LMX1A: variants seen among roughly 807,000 people sequenced by gnomAD.
LMX1A encodes LIM homeobox transcription factor 1 alpha.
LMX1A carries 15 observed loss-of-function variants against 49.1 expected under a neutral mutation model. The ratio of observed to expected loss-of-function variants is 0.31; its 90% CI spans 0.20 to 0.47. LMX1A has a LOEUF of 0.47. Among genes scored for constraint, LMX1A ranks in the 20% least tolerant of loss-of-function variants. LMX1A has a pLI of 1.00. For synonymous variants in LMX1A, 167 were observed against 185.7 expected (o/e 0.90, Z 0.82); for missense variants, 372 against 475.8 (o/e 0.78, Z 2.03).
At chr1:165,263,384 T>A (rs1331259071) in intron 3 of LMX1A, among the ~76,000 whole-genome samples, 1 of 152,182 alleles carries the variant, frequency 6.6e-6, no homozygotes, top group African/African-American at 2.4e-5. Context: ...CCATTTCCAT[T>A]GATGGATGGC....
At chr1:165,304,945 G>T (rs557776552) in intron 3 of LMX1A, among the ~76,000 whole-genome samples, 1 of 152,188 alleles carries the variant, frequency 6.6e-6, no homozygotes, top group South Asian at 2.1e-4. Context: ...CAGCAGGCTG[G>T]GTGCATCTAC....
At chr1:165,344,218 G>A (rs764468582) in intron 3 of LMX1A, among the ~76,000 whole-genome samples, 3 of 152,232 alleles carry the variant, frequency 2.0e-5, no homozygotes, top group Non-Finnish European at 2.9e-5. Flanking sequence ...CTCCTGGGAT[G>A]TTCTTCCCTT....
chr1:165,236,991 G>T (rs1413342157), intron 4 of LMX1A, among the ~76,000 whole-genome samples: 2 of 152,044 alleles, frequency 1.3e-5, no homozygotes, highest in Admixed American at 6.5e-5. Context: ...GGCTGTGTGA[G>T]AGCAGAGGTA....
intron 3 of LMX1A, among the ~76,000 whole-genome samples, chr1:165,257,960 G>C (rs1653305574): frequency 6.6e-6 from 1 of 152,228 alleles, no homozygotes; most frequent in African/African-American, 2.4e-5. Context: ...GCTTTGGACA[G>C]TAGTCTACTA....
At chr1:165,219,829 G>A (rs1189236088) in intron 4 of LMX1A, among the ~76,000 whole-genome samples, 2 of 152,228 alleles carry the variant, frequency 1.3e-5, no homozygotes, top group Admixed American at 6.5e-5. Flanking sequence ...CAGGGATGAT[G>A]AAGATTCAGC....
At chr1:165,336,521 T>C (rs1162324257) in intron 3 of LMX1A, among the ~76,000 whole-genome samples, 1 of 152,176 alleles carries the variant, frequency 6.6e-6, no homozygotes, top group Non-Finnish European at 1.5e-5. Context: ...AATAAAGTAA[T>C]GGTGCTAAGA....
intron 3 of LMX1A, among the ~76,000 whole-genome samples, chr1:165,338,179 T>G (rs1395546): frequency 0.026 from 3,977 of 152,226 alleles, 173 homozygotes; most frequent in African/African-American, 0.091. Flanking sequence ...CTGGTAAAAG[T>G]CAGGAATATG....
intron 3 of LMX1A, among the ~76,000 whole-genome samples, chr1:165,320,475 A>T (rs913177038): frequency 6.6e-6 from 1 of 152,228 alleles, no homozygotes; most frequent in Non-Finnish European, 1.5e-5. Context: ...GCAAGGCAGA[A>T]GGAAGAATGA....
intron 3 of LMX1A, among the ~76,000 whole-genome samples, chr1:165,323,967 T>C (rs1424087029): frequency 6.6e-6 from 1 of 152,230 alleles, no homozygotes; most frequent in African/African-American, 2.4e-5. Context: ...TAAATGCTTG[T>C]AGTTAACCTA....
At chr1:165,295,056 T>C (rs1031712622) in intron 3 of LMX1A, among the ~76,000 whole-genome samples, 2 of 152,206 alleles carry the variant, frequency 1.3e-5, no homozygotes, top group South Asian at 4.1e-4. Context: ...AAATTTCAGC[T>C]ATAAATACCT....
chr1:165,237,896 G>A (rs552318479), intron 4 of LMX1A, among the ~76,000 whole-genome samples: 11 of 152,190 alleles, frequency 7.2e-5, no homozygotes, highest in Non-Finnish European at 1.5e-4. Context: ...TGGCTGGAAT[G>A]TCAGTGCAAG....
Position 165,249,514 on chromosome 1 carries a change from C to G in LMX1A, c.390G>C (p.Gln130His), listed in dbSNP as rs756806723. The G allele has an allele frequency of 3.7e-6, 6 of 1,614,236 alleles. No individual in the cohort carries two copies. The Admixed American group carries it at 1.0e-4, about 27-fold the overall frequency. The change falls in exon 4 of 9, where the codon CAG becomes CAC. Residue 130 changes from glutamine (Q) to histidine (H), a missense_variant. This residue lies in a region of LMX1A where 199 missense variants were observed against 244.0 expected (regional missense o/e 0.82). Coordinates refer to ENST00000342310, the MANE Select transcript of LMX1A (RefSeq NM_177398.4). ...CCTTCAGGACAAACTCATCACCCTT[C>G]TGAAGCTGTCGCTCGCAGACACAGC... ...FCCCVCERQL[Q>H]KGDEFVLKEG...
intron 3 of LMX1A, among the ~76,000 whole-genome samples, chr1:165,273,942 C>T (rs564856621): frequency 1.3e-5 from 2 of 152,364 alleles, no homozygotes; most frequent in South Asian, 4.1e-4. Flanking sequence ...TCATCGTGCT[C>T]ACCAACCCTT....
chr1:165,246,199 G>C (rs1479736250), intron 4 of LMX1A, among the ~76,000 whole-genome samples: 1 of 152,092 alleles, frequency 6.6e-6, no homozygotes, highest in Non-Finnish European at 1.5e-5. Flanking sequence ...ATCATGCTAA[G>C]CTTTGTTAAG....
chr1:165,204,030 G>A lies in LMX1A; in HGVS notation c.999C>T (p.Pro333=), dbSNP rs756226362. ...CGTCGCTATCCAGGTCATGGAAAAG[G>A]GGCTCGGCACCTGAAATGGAGATGA... ...GDHMHPYGAE[P]LFHDLDSDDT... Residue 333 remains proline (P), a synonymous_variant, in exon 9 of 9, where the codon CCC becomes CCT. Transcript: ENST00000342310. The A allele has an allele frequency of 4.3e-6, 7 of 1,614,066 alleles. No homozygotes were observed. In the Admixed American group the frequency reaches 5.0e-5, roughly 12 times the overall value.
At chr1:165,300,348 T>C (rs1169331978) in intron 3 of LMX1A, among the ~76,000 whole-genome samples, 1 of 152,188 alleles carries the variant, frequency 6.6e-6, no homozygotes, top group Non-Finnish European at 1.5e-5. Flanking sequence ...TCACTTGGAT[T>C]GGGGCAGCTT....
Position 165,205,860 on chromosome 1 carries a change from T to C in LMX1A, c.988+4A>G. 2 of 1,613,652 alleles carry C rather than the reference T, an allele frequency of 1.2e-6. No homozygotes were observed. Among genetic ancestry groups the C allele is most frequent in the Non-Finnish European group, 1.7e-6 (2 of 1,179,840 alleles). ...AGGGCCCGAGGGGCTTAAGTCCCTC[T>C]TACCATAAGGGTGCATGTGGTCTCC... On this transcript the variant is annotated splice_donor_region_variant and intron_variant, in intron 8 of 8. Coordinates refer to ENST00000342310, the MANE Select transcript of LMX1A (RefSeq NM_177398.4).
At chr1:165,209,525 C>T (rs1420323635) in intron 6 of LMX1A, among the ~76,000 whole-genome samples, 1 of 152,120 alleles carries the variant, frequency 6.6e-6, no homozygotes, top group Non-Finnish European at 1.5e-5. Flanking sequence ...CATCAATGCC[C>T]AGTGATTTAA....
intron 3 of LMX1A, among the ~76,000 whole-genome samples, chr1:165,329,167 G>T (rs967807456): frequency 1.1e-4 from 16 of 152,316 alleles, no homozygotes; most frequent in African/African-American, 3.9e-4. Context: ...GAGAGAAAGA[G>T]AGCGTATGTA....
Sources: gnomAD v4.1 joint callset for allele counts (sites outside exome capture counted in the v4.1 genomes callset) on GRCh38, gnomAD v4.1.1 for gene constraint, gnomAD v4.1.1 regional missense constraint, MANE v1.5 for transcripts, NCBI Gene and HGNC (gene_info 2026-07-23, HGNC 2026-07-21) for gene names.